Variants in F13A1 observed in about 807,000 individuals in gnomAD.
The protein encoded by F13A1 is coagulation factor XIII A chain.
In F13A1, 47 loss-of-function variants were observed where a neutral mutation model predicts 80.1. That is an observed-to-expected ratio of 0.59 (90% CI 0.46 to 0.75). The LOEUF is 0.75. Ranked by LOEUF, F13A1 falls within the 30% of genes least tolerant of loss-of-function variation. F13A1 has a pLI of 0.00. For synonymous variants in F13A1, 349 were observed against 344.9 expected (o/e 1.01, Z -0.13); for missense variants, 817 against 930.4 (o/e 0.88, Z 1.59).
In F13A1 at chr6:6,195,909, G is replaced by A. The variant is rs5977; in HGVS notation, c.1217-24C>T. ...GCCTGCATTGCACAGAGGAAGGGCG[G>A]TGTGAGTTTGTCATCTCCAATTCTG... On this transcript the variant is annotated intron_variant, in intron 9 of 14. Coordinates refer to ENST00000264870, the MANE Select transcript of F13A1 (RefSeq NM_000129.4). The A allele has an allele frequency of 0.16, 249,510 of 1,606,892 alleles. 21,522 individuals carry two copies. Among genetic ancestry groups the A allele is most frequent in the South Asian group, 0.29 (26,289 of 90,766 alleles).
intron 2 of F13A1, among the ~76,000 whole-genome samples, chr6:6,313,984 C>CACTTTT (rs374113663): frequency 0.14 from 19,583 of 139,074 alleles, 2,143 homozygotes; most frequent in Non-Finnish European, 0.19. Context: ...TTTCTCCTTA[C>CACTTTT]TCTTTTTTTT....
At position 6,212,029 on chromosome 6, in the gene F13A1, T is replaced by G. The variant is rs190813735; in HGVS notation, c.1112+10004A>C. The stretch of plus-strand genomic sequence containing the variant: ...CCCGCACCTGGCTCGGAGGGTCCTA[T>G]GCCCACGGAGTCTCGCTGATTGCTA... On this transcript the variant is annotated intron_variant, in intron 8 of 14. Coordinates refer to ENST00000264870, the MANE Select transcript of F13A1 (RefSeq NM_000129.4). 3.9e-3 allele frequency among the ~76,000 whole-genome samples: 595 copies of G among 152,318 alleles called. 3 individuals are homozygous for G. Among genetic ancestry groups the G allele is most frequent in the African/African-American group, 0.014 (575 of 41,566 alleles).
At chr6:6,190,930 G>T (rs1164250640) in intron 10 of F13A1, among the ~76,000 whole-genome samples, 1 of 150,256 alleles carries the variant, frequency 6.7e-6, no homozygotes, top group Non-Finnish European at 1.5e-5. Flanking sequence ...CTCGTGGTGC[G>T]CCGTTTTTTA....
chr6:6,289,095 C>T (rs898745575), intron 3 of F13A1, among the ~76,000 whole-genome samples: 4 of 152,142 alleles, frequency 2.6e-5, no homozygotes, highest in African/African-American at 9.7e-5. Context: ...AAAGTGGTTT[C>T]CTATACATTA....
At chr6:6,278,435 G>C (rs1758017495) in intron 3 of F13A1, among the ~76,000 whole-genome samples, 1 of 152,176 alleles carries the variant, frequency 6.6e-6, no homozygotes, top group Non-Finnish European at 1.5e-5. Context: ...GGTGTCATCA[G>C]TGCAAAGACC....
intron 6 of F13A1, among the ~76,000 whole-genome samples, chr6:6,241,028 C>T (rs3024395): frequency 4.3e-4 from 65 of 152,304 alleles, no homozygotes; most frequent in African/African-American, 1.5e-3. Context: ...CCGAGAGCTC[C>T]TACTAATTGA....
chr6:6,242,155 T>A (rs1757491684), intron 6 of F13A1, among the ~76,000 whole-genome samples: 1 of 152,216 alleles, frequency 6.6e-6, no homozygotes, highest in Non-Finnish European at 1.5e-5. Flanking sequence ...CACAGATGCA[T>A]GAGGATCAGA....
chr6:6,178,997 C>A (rs988406722), intron 11 of F13A1, among the ~76,000 whole-genome samples: 4 of 152,192 alleles, frequency 2.6e-5, no homozygotes, highest in African/African-American at 7.2e-5. Context: ...AGGAACACAG[C>A]AGGACGCAAG....
intron 11 of F13A1, among the ~76,000 whole-genome samples, chr6:6,175,493 A>T (rs1291858989): frequency 6.6e-6 from 1 of 152,166 alleles, no homozygotes; most frequent in African/African-American, 2.4e-5. Flanking sequence ...TGCATCCCCC[A>T]GTCCCCAAGG....
At chr6:6,201,845 T>G (rs1009691845) in intron 8 of F13A1, among the ~76,000 whole-genome samples, 8 of 152,060 alleles carry the variant, frequency 5.3e-5, no homozygotes, top group African/African-American at 1.9e-4. Context: ...TCTCAGATAT[T>G]TAGCATTTTT....
intron 10 of F13A1, among the ~76,000 whole-genome samples, chr6:6,190,457 C>A (rs1170670652): frequency 1.3e-5 from 2 of 149,668 alleles, no homozygotes; most frequent in Non-Finnish European, 3.0e-5. Flanking sequence ...GGACCCTCAG[C>A]TGCAGGTCTG....
At chr6:6,298,477 G>T (rs1260962642) in intron 3 of F13A1, among the ~76,000 whole-genome samples, 4 of 149,922 alleles carry the variant, frequency 2.7e-5, no homozygotes, top group Non-Finnish European at 5.9e-5. Flanking sequence ...TCTTCTTGTT[G>T]AATTGATCCC....
chr6:6,252,439 T>C (rs946458109), intron 4 of F13A1, among the ~76,000 whole-genome samples: 15 of 152,214 alleles, frequency 9.9e-5, no homozygotes, highest in Non-Finnish European at 4.4e-5. Context: ...TATATATGTC[T>C]ATTTTTAAAA....
At chr6:6,294,117 T>G (rs1561681727) in intron 3 of F13A1, among the ~76,000 whole-genome samples, 1 of 152,190 alleles carries the variant, frequency 6.6e-6, no homozygotes, top group Admixed American at 6.5e-5. Context: ...AAAAAAAGTT[T>G]TTTTAAGTAT....
chr6:6,288,778 A>G (rs1052874354), intron 3 of F13A1, among the ~76,000 whole-genome samples: 1 of 152,230 alleles, frequency 6.6e-6, no homozygotes, highest in African/African-American at 2.4e-5. Context: ...CTAATAGTGT[A>G]TAGGGTTCTC....
Position 6,305,705 on chromosome 6 carries a change from T to C in F13A1, c.131-166A>G, listed in dbSNP as rs1192874972. 16 of 659,808 alleles carry C rather than the reference T, an allele frequency of 2.4e-5. 1 individual carries two copies. The Admixed American group carries it at 3.3e-4, about 14-fold the overall frequency. The allele number at this position is 659,808 out of a possible 1,614,324, so 40.9% of individuals were successfully genotyped here. ...GGGAACACAGTCTCGAGAGTCAGCC[T>C]CTTGTGACATTCTTGTTTTTGAAGA... is the stretch of plus-strand genomic sequence containing the variant. On this transcript the variant is annotated intron_variant, in intron 2 of 14. Coordinates refer to ENST00000264870, the MANE Select transcript of F13A1 (RefSeq NM_000129.4).
At chr6:6,246,265 A>AT (rs548455019) in intron 6 of F13A1, among the ~76,000 whole-genome samples, 195 of 152,308 alleles carry the variant, frequency 1.3e-3, no homozygotes, top group Non-Finnish European at 2.3e-3. Flanking sequence ...CCTCTGTGTC[A>AT]TTTTTTAAAT....
Position 6,174,703 on chromosome 6 carries a change from TC to T in F13A1, c.1623del (p.Asn542ThrfsTer35). 1 of 1,614,178 alleles carries T rather than the reference TC, an allele frequency of 6.2e-7. No individual in the cohort carries two copies. Among genetic ancestry groups the T allele is most frequent in the Non-Finnish European group, 8.5e-7 (1 of 1,180,030 alleles). ...GKDFKLSITF[R>X]NNSHNRYTIT... is the part of the protein sequence containing the mutation. ...ATGGTGTAACGGTTGTGGCTGTTGTTCCGGAAGGTGATGGAGAGCTTGAAGT... is the reference window on the plus strand; with the variant it reads ...ATGGTGTAACGGTTGTGGCTGTTGTTCGGAAGGTGATGGAGAGCTTGAAGT... On this transcript the variant is annotated frameshift_variant, in exon 12 of 15. Transcript: ENST00000264870. LOFTEE classifies it high-confidence loss of function.
At chr6:6,230,543 G>C (rs368488228) in intron 6 of F13A1, among the ~76,000 whole-genome samples, 16 of 152,220 alleles carry the variant, frequency 1.1e-4, no homozygotes, top group East Asian at 3.9e-4. Context: ...TATAATCTTG[G>C]GAGTTCTGGG....
Sources: allele counts gnomAD v4.1 joint callset (sites outside exome capture counted in the v4.1 genomes callset), GRCh38; gene constraint gnomAD v4.1.1; transcripts MANE v1.5; gene names NCBI Gene and HGNC (gene_info 2026-07-23, HGNC 2026-07-21).